The following DPP6 variants were observed in gnomAD, a reference collection of about 807,000 sequenced individuals.
DPP6 encodes dipeptidyl peptidase like 6.
In DPP6, 69 loss-of-function variants were observed where a neutral mutation model predicts 122.6. That is an observed-to-expected ratio of 0.56 (90% confidence interval 0.46 to 0.69). The LOEUF (loss-of-function observed/expected upper bound fraction) is 0.69, where lower values mean the gene tolerates loss of function less well. Ranked by LOEUF, DPP6 falls within the 30% of genes least tolerant of loss-of-function variation. The pLI, the probability that DPP6 is intolerant of heterozygous loss-of-function variation, is 0.00. For synonymous variants in DPP6, 418 were observed against 433.1 expected, an observed-to-expected ratio of 0.97 and a Z score of 0.43; for missense variants, 928 against 1,116.9, an observed-to-expected ratio of 0.83 and a Z score of 2.41.
At chr7:154,761,247 G>C (rs1795533412) in intron 8 of DPP6, among the ~76,000 whole-genome samples, 1 of 152,206 alleles carries the variant, frequency 6.6e-6, no homozygotes. Context: ...CACCAACTGG[G>C]GTGACCAGAA....
chr7:153,975,933 G>A (rs946891147), intron 1 of DPP6, among the ~76,000 whole-genome samples: 9 of 152,094 alleles, frequency 5.9e-5, no homozygotes, highest in African/African-American at 2.2e-4. Context: ...TATTTCACAT[G>A]GTTATTATTA....
chr7:154,775,591 G>T lies in DPP6; in HGVS notation c.1136+2649G>T, dbSNP rs1035034245. ...GGAACCAGTGAGCTCTTAAAAAGAGGCCATAGAACCATCGAGAAGCTAGTT... is the reference window on the plus strand; with the variant it reads ...GGAACCAGTGAGCTCTTAAAAAGAGTCCATAGAACCATCGAGAAGCTAGTT... On this transcript the variant is annotated intron_variant, in intron 10 of 25. Coordinates refer to ENST00000377770, the MANE Select transcript of DPP6 (RefSeq NM_130797.4). Among the ~76,000 whole-genome samples the T allele has an allele frequency of 1.6e-4, 25 of 152,028 alleles. 1 individual carries two copies. The highest frequency in any genetic ancestry group is 4.8e-4 in the African/African-American group (20 of 41,382).
Position 154,560,775 on chromosome 7 carries a change from C to T in DPP6, c.553-6067C>T, listed in dbSNP as rs143739357. Among the ~76,000 whole-genome samples the T allele has an allele frequency of 1.9e-3, 289 of 151,516 alleles. 1 individual carries two copies. Among genetic ancestry groups the T allele is most frequent in the East Asian group, 0.012 (59 of 5,128 alleles). On this transcript the variant is annotated intron_variant, in intron 4 of 25. Coordinates refer to ENST00000377770, the MANE Select transcript of DPP6 (RefSeq NM_130797.4). ...GTGGGCGCCTGTTATCCCAGCAGCTCGGGAGGCTGAGGCAGGACAATCGCT... is the reference window on the plus strand; with the variant it reads ...GTGGGCGCCTGTTATCCCAGCAGCTTGGGAGGCTGAGGCAGGACAATCGCT...
chr7:154,440,844 G>A (rs1819314324), intron 1 of DPP6, among the ~76,000 whole-genome samples: 1 of 152,166 alleles, frequency 6.6e-6, no homozygotes, highest in Non-Finnish European at 1.5e-5. Context: ...CAATGTGGCT[G>A]GCAAGGCTGG....
At chr7:153,931,624 C>A (rs1199924528) in intron 1 of DPP6, among the ~76,000 whole-genome samples, 4 of 152,250 alleles carry the variant, frequency 2.6e-5, no homozygotes, top group Non-Finnish European at 5.9e-5. Flanking sequence ...GCCTCCGAGG[C>A]TGCCAGAAAC....
chr7:154,723,259 CA>C (rs1310629657), intron 7 of DPP6, among the ~76,000 whole-genome samples: 7 of 151,802 alleles, frequency 4.6e-5, no homozygotes, highest in Non-Finnish European at 8.8e-5. Flanking sequence ...TCCTTTCTCT[CA>C]AAAAAAGGAA....
At position 154,891,574 on chromosome 7, in the gene DPP6, G is replaced by C. The variant is rs368875087; in HGVS notation, c.2452-760G>C. 3.3e-5 allele frequency among the ~76,000 whole-genome samples: 5 copies of C among 152,250 alleles called. No homozygotes were observed. In the East Asian group the frequency reaches 7.7e-4, roughly 24 times the overall value. ...GTGGGGTGGGCCCGTGGGCACCCAG[G>C]ACAGCACGCAGCCCTTCCACGGGAG... On this transcript the variant is annotated intron_variant, in intron 25 of 25. Coordinates refer to ENST00000377770, the MANE Select transcript of DPP6 (RefSeq NM_130797.4).
At chr7:154,487,254 T>C (rs2151380787) in intron 3 of DPP6, among the ~76,000 whole-genome samples, 1 of 152,326 alleles carries the variant, frequency 6.6e-6, no homozygotes, top group African/African-American at 2.4e-5. Flanking sequence ...GTTCATGTTT[T>C]TTTCCTACTC....
intron 1 of DPP6, among the ~76,000 whole-genome samples, chr7:154,183,112 G>A (rs111857347): frequency 0.027 from 4,136 of 152,190 alleles, 188 homozygotes; most frequent in African/African-American, 0.094. Context: ...CTGTTGTTGA[G>A]TCCCCAGCTG....
chr7:154,525,064 TTTGAACAATAAAGAAACA>T (rs1827294882), intron 3 of DPP6, among the ~76,000 whole-genome samples: 1 of 152,188 alleles, frequency 6.6e-6, no homozygotes. Context: ...AGTGTGTAGT[TTTGAACAATAAAGAAACA>T]TTGGTTCCTA....
rs887310312 is a variant in DPP6 at position 154,885,168 on chromosome 7, G to A, written c.2134-465G>A. On this transcript the variant is annotated intron_variant, in intron 21 of 25. Transcript: ENST00000377770. ...ACCTGAATACAGAACACCTGGGAGCGTCTGTCTCGTGTCGGCCTTGTGCTG... is the reference window on the plus strand; with the variant it reads ...ACCTGAATACAGAACACCTGGGAGCATCTGTCTCGTGTCGGCCTTGTGCTG... The A allele has an allele frequency of 1.4e-4, 22 of 158,022 alleles. No homozygotes were observed. In the South Asian group the frequency reaches 1.7e-3, roughly 12 times the overall value. 9.8% of individuals were successfully genotyped at this position (158,022 alleles called of 1,614,324 possible).
At chr7:154,184,962 G>A (rs1798281682) in intron 1 of DPP6, among the ~76,000 whole-genome samples, 1 of 152,210 alleles carries the variant, frequency 6.6e-6, no homozygotes, top group Non-Finnish European at 1.5e-5. Flanking sequence ...AACCAGCATA[G>A]TCTGATCTTA....
the DPP6 span, among the ~76,000 whole-genome samples, chr7:153,757,382 C>T: frequency 6.6e-6 from 1 of 152,146 alleles, no homozygotes; most frequent in South Asian, 2.1e-4. Context: ...TTTTCATAAA[C>T]CAAAAAAGCT....
Position 154,062,922 on chromosome 7 carries a change from T to C in DPP6, c.243+9859T>C, listed in dbSNP as rs530842534. ...TCCTTAGGACCCACCTGGAGGACTG[T>C]GGGTGTTAGTTGTCCAGGTAGAAAT... On this transcript the variant is annotated intron_variant, in intron 1 of 25. Coordinates refer to ENST00000377770, the MANE Select transcript of DPP6 (RefSeq NM_130797.4). Among the ~76,000 whole-genome samples the C allele has an allele frequency of 7.7e-4, 102 of 132,954 alleles. 15 individuals carry two copies. The highest frequency in any genetic ancestry group is 9.1e-4 in the East Asian group (4 of 4,388). 87.2% of individuals were successfully genotyped at this position (132,954 alleles called of 152,430 possible).
chr7:153,973,632 CGTGTGT>C lies in DPP6; in HGVS notation c.51+85937_51+85942del, dbSNP rs773321136. On this transcript the variant is annotated intron_variant, in intron 1 of 25. Transcript: ENST00000404039. ...TTAGAGTAACGTGTTCACCATCGCT[CGTGTGT>C]GTGTGTGTGTGTGTGTGTGTGTGTG... Among the ~76,000 whole-genome samples, 733 of 113,500 alleles carry C rather than the reference CGTGTGT, an allele frequency of 6.5e-3. 8 individuals are homozygous for C. Among genetic ancestry groups the C allele is most frequent in the African/African-American group, 0.02 (644 of 31,666 alleles). The allele number at this position is 113,500 out of a possible 152,430, so 74.5% of individuals were successfully genotyped here.
At chr7:154,449,486 A>G (rs1438302991) in intron 2 of DPP6, among the ~76,000 whole-genome samples, 1 of 152,200 alleles carries the variant, frequency 6.6e-6, no homozygotes, top group Non-Finnish European at 1.5e-5. Flanking sequence ...CATTACTAGT[A>G]GAAAGATAAA....
intron 5 of DPP6, chr7:154,588,192 T>C: frequency 6.7e-7 from 1 of 1,488,042 alleles, no homozygotes; most frequent in Non-Finnish European, 9.0e-7. Context: ...CTATCCCTGG[T>C]CACTGGGTGC....
At position 154,635,285 on chromosome 7, in the gene DPP6, C is replaced by T. The variant is rs77106343; in HGVS notation, c.628-2536C>T. On this transcript the variant is annotated intron_variant, in intron 5 of 25. Coordinates refer to ENST00000377770, the MANE Select transcript of DPP6 (RefSeq NM_130797.4). The stretch of plus-strand genomic sequence containing the variant: ...CCATAAATGCCACCCACCCCCACCA[C>T]CCACTTCAGCTCACCACTGTCACCA... Among the ~76,000 whole-genome samples, 582 of 151,892 alleles carry T rather than the reference C, an allele frequency of 3.8e-3. 14 individuals are homozygous for T. In the East Asian group the frequency reaches 0.059, roughly 16 times the overall value.
chr7:154,782,168 G>A (rs961604123), intron 10 of DPP6, among the ~76,000 whole-genome samples: 2 of 152,130 alleles, frequency 1.3e-5, no homozygotes, highest in African/African-American at 4.8e-5. Flanking sequence ...CACATGCCAA[G>A]CCCTGACTAG....
Sources: allele counts gnomAD v4.1 joint callset (sites outside exome capture counted in the v4.1 genomes callset), GRCh38; gene constraint gnomAD v4.1.1; transcripts MANE v1.5; gene names NCBI Gene and HGNC (gene_info 2026-07-23, HGNC 2026-07-21).